FAT3: variants seen among roughly 807,000 people sequenced by gnomAD.
FAT3 encodes protocadherin Fat 3.
In FAT3, 95 loss-of-function variants were observed where a neutral mutation model predicts 310.2. That is an observed-to-expected ratio of 0.31 (90% confidence interval 0.26 to 0.36). The LOEUF is 0.36. Ranked by LOEUF, FAT3 falls within the 10% of genes least tolerant of loss-of-function variation. The pLI, the probability that FAT3 is intolerant of heterozygous loss-of-function variation, is 1.00. For missense variants in FAT3, 5,408 were observed against 5,715.6 expected (o/e 0.95, Z 1.74); for synonymous variants, 2,314 against 2,192.9 (o/e 1.06, Z -1.54).
chr11:92,623,015 C>A (rs1049093136), intron 3 of FAT3, among the ~76,000 whole-genome samples: 7 of 152,126 alleles, frequency 4.6e-5, no homozygotes, highest in Non-Finnish European at 1.0e-4. Context: ...ATTCAAGGCA[C>A]TTCCCATAAC....
chr11:92,307,336 CTTTG>C (rs539871604), intron 1 of FAT3, among the ~76,000 whole-genome samples: 58 of 152,092 alleles, frequency 3.8e-4, no homozygotes, highest in Admixed American at 7.2e-4. Flanking sequence ...AAAAGTTTTC[CTTTG>C]TTTAATTTGG....
chr11:92,390,184 A>G (rs1364862306), intron 2 of FAT3, among the ~76,000 whole-genome samples: 2 of 152,166 alleles, frequency 1.3e-5, no homozygotes, highest in African/African-American at 4.8e-5. Context: ...TTATGCCATA[A>G]TAGATTAGGA....
intron 1 of FAT3, among the ~76,000 whole-genome samples, chr11:92,286,854 T>C (rs1189427990): frequency 1.3e-5 from 2 of 152,178 alleles, no homozygotes; most frequent in East Asian, 1.9e-4. Flanking sequence ...TCAAGTTGAC[T>C]CATTACTCCC....
chr11:92,545,033 C>T (rs921583745), intron 3 of FAT3, among the ~76,000 whole-genome samples: 2 of 152,142 alleles, frequency 1.3e-5, no homozygotes, highest in Non-Finnish European at 1.5e-5. Context: ...CTTCCTCCTC[C>T]GTGCAACCAT....
chr11:92,515,958 T>C (rs1953468146), intron 2 of FAT3, among the ~76,000 whole-genome samples: 2 of 151,974 alleles, frequency 1.3e-5, no homozygotes, highest in Non-Finnish European at 2.9e-5. Context: ...AATCCCTGAA[T>C]AGACAAATAA....
At chr11:92,303,462 C>A (rs1947048184) in intron 1 of FAT3, among the ~76,000 whole-genome samples, 1 of 152,044 alleles carries the variant, frequency 6.6e-6, no homozygotes, top group Admixed American at 6.6e-5. Context: ...GTTTCTGACT[C>A]TTAAAAGTAC....
intron 7 of FAT3, among the ~76,000 whole-genome samples, chr11:92,781,364 A>G (rs955948889): frequency 2.6e-5 from 4 of 151,480 alleles, no homozygotes; most frequent in Admixed American, 2.0e-4. Flanking sequence ...GCGCCCGGCC[A>G]TAAGGCTCAT....
At chr11:92,323,771 T>C (rs188871582) in intron 1 of FAT3, among the ~76,000 whole-genome samples, 4 of 152,156 alleles carry the variant, frequency 2.6e-5, no homozygotes, top group Non-Finnish European at 5.9e-5. Context: ...TGGCTTCAGC[T>C]TAAAGTCACC....
At chr11:92,857,434 C>T in intron 20 of FAT3, 86 bp downstream of exon 20, 2 of 1,564,344 alleles carry the variant, frequency 1.3e-6, no homozygotes, top group Non-Finnish European at 1.7e-6. Context: ...CCAAGTCCTC[C>T]CAGAAAACGT....
In FAT3 at chr11:92,840,729, A is replaced by G; in HGVS notation, c.10536A>G (p.Thr3512=). Reference sequence around the variant, plus strand: ...GGTCGGCTGTGGTCTTCCAGCACACAGAGTCTCTGGAATACGTGTTGTGTG... The same window carrying G: ...GGTCGGCTGTGGTCTTCCAGCACACGGAGTCTCTGGAATACGTGTTGTGTG... ...ILRSAVVFQH[T]ESLEYVLCVQ... is the part of the protein sequence containing the mutation. The change falls in exon 18 of 28, where the codon ACA becomes ACG. Residue 3512 remains threonine (T), a synonymous_variant. Transcript: ENST00000525166. 1 of 1,603,078 alleles carries G rather than the reference A, an allele frequency of 6.2e-7. No homozygotes were observed. Among genetic ancestry groups the G allele is most frequent in the Non-Finnish European group, 8.5e-7 (1 of 1,170,878 alleles).
At chr11:92,657,072 G>A (rs939403011) in intron 3 of FAT3, among the ~76,000 whole-genome samples, 2 of 152,276 alleles carry the variant, frequency 1.3e-5, no homozygotes, top group East Asian at 1.9e-4. Context: ...CAGGAAGAGT[G>A]TTGGTTGAAG....
chr11:92,314,958 G>A (rs1947398267), intron 1 of FAT3, among the ~76,000 whole-genome samples: 1 of 151,852 alleles, frequency 6.6e-6, no homozygotes, highest in South Asian at 2.1e-4. Context: ...TGGTGCCTTG[G>A]GTATGTGGCA....
chr11:92,836,581 G>A lies in FAT3; in HGVS notation c.10102G>A (p.Val3368Ile), dbSNP rs754269290. 1.2e-6 allele frequency: 2 copies of A among 1,613,468 alleles called. No individual in the cohort carries two copies. The highest frequency in any genetic ancestry group is 8.5e-7 in the Non-Finnish European group (1 of 1,179,768). Reference protein sequence around the residue: ...DSVILLIAEDVDSQPNGQIHF... With the variant: ...DSVILLIAEDIDSQPNGQIHF... ...TTCCATGAAGCTAATAGCAGAAGATGTAGACAGCCAGCCCAACGGACAGAT... is the reference window on the plus strand; with the variant it reads ...TTCCATGAAGCTAATAGCAGAAGATATAGACAGCCAGCCCAACGGACAGAT... The change falls in exon 16 of 28, where the codon GTA becomes ATA. Residue 3368 changes from valine to isoleucine, a missense_variant. Around this residue, in one of 5 missense-constraint regions of FAT3, gnomAD observed 4,588 missense variants for 4,809.8 expected, o/e 0.95. Transcript: ENST00000525166.
intron 3 of FAT3, among the ~76,000 whole-genome samples, chr11:92,578,677 G>T (rs1455902139): frequency 6.6e-6 from 1 of 152,142 alleles, no homozygotes; most frequent in Non-Finnish European, 1.5e-5. Context: ...CCCATTGCTA[G>T]TCCCTGAATC....
rs746823844 is a variant in FAT3, at chr11:92,797,911, C to T, written c.4898C>T (p.Thr1633Met). 1.5e-5 allele frequency: 24 copies of T among 1,613,766 alleles called. 1 individual carries two copies. The highest frequency in any genetic ancestry group is 8.3e-5 in the Admixed American group (5 of 60,002). The change falls in exon 10 of 28, where the codon ACG (threonine) becomes ATG (methionine). Residue 1633 changes from threonine to methionine, a missense_variant. Physicochemically the swap from Thr to Met is moderately conservative, Grantham distance 81. This residue lies in a region of FAT3 where 4,588 missense variants were observed against 4,809.8 expected (regional missense o/e 0.95). Transcript: ENST00000525166. ...ITICKEPDMT[T>M]MGQFVLSIKV... is the part of the protein sequence containing the mutation. Reference sequence around the variant, plus strand: ...ATTTGCAAAGAACCAGACATGACGACGATGGGTCAGTTTGTCCTATCCATC... The same window carrying T: ...ATTTGCAAAGAACCAGACATGACGATGATGGGTCAGTTTGTCCTATCCATC...
At chr11:92,744,872 G>A (rs557855589) in intron 4 of FAT3, among the ~76,000 whole-genome samples, 1 of 152,222 alleles carries the variant, frequency 6.6e-6, no homozygotes, top group African/African-American at 2.4e-5. Context: ...TCTGTAAATT[G>A]ATCTATTTAA....
intron 1 of FAT3, among the ~76,000 whole-genome samples, chr11:92,274,479 A>G (rs962153142): frequency 6.6e-6 from 1 of 152,042 alleles, no homozygotes; most frequent in South Asian, 2.1e-4. Flanking sequence ...TTAGCACTTC[A>G]GAAGTATTAA....
intron 2 of FAT3, among the ~76,000 whole-genome samples, chr11:92,490,706 T>C (rs1952576030): frequency 6.6e-6 from 1 of 152,110 alleles, no homozygotes; most frequent in African/African-American, 2.4e-5. Context: ...TTTAAAAAAT[T>C]AGACAGTAAA....
chr11:92,361,073 C>T, intron 2 of FAT3, among the ~76,000 whole-genome samples: 1 of 152,120 alleles, frequency 6.6e-6, no homozygotes, highest in East Asian at 1.9e-4. Context: ...GCCCCAGACT[C>T]TGGGGGAACA....
Sources: gnomAD v4.1 joint callset for allele counts (sites outside exome capture counted in the v4.1 genomes callset) on GRCh38, gnomAD v4.1.1 for gene constraint, gnomAD v4.1.1 regional missense constraint, MANE v1.5 for transcripts, NCBI Gene and HGNC (gene_info 2026-07-23, HGNC 2026-07-21) for gene names.